The following SGCZ variants were observed in gnomAD, a reference collection of about 807,000 sequenced individuals.
SGCZ encodes sarcoglycan zeta, also known as zeta-sarcoglycan.
Under a neutral mutation model 41.3 loss-of-function variants are expected in SGCZ, and 40 were observed. The observed-to-expected ratio is 0.97, with a 90% CI of 0.75 to 1.26. The LOEUF (loss-of-function observed/expected upper bound fraction) is 1.26. SGCZ is among the 50% of genes most tolerant of loss of function. The probability of loss-of-function intolerance (pLI) is 0.00; values close to 1 mark genes in which losing one functional copy is unlikely to be tolerated. For missense variants in SGCZ, 552 were observed against 369.8 expected (o/e 1.49, Z -4.04); for synonymous variants, 206 against 137.5 (o/e 1.50, Z -3.49).
chr8:15,058,940 T>G (rs998562935), intron 1 of SGCZ, among the ~76,000 whole-genome samples: 7 of 152,198 alleles, frequency 4.6e-5, no homozygotes, highest in African/African-American at 1.7e-4. Context: ...CAGGTGTTTT[T>G]AAAAGAAATT....
At chr8:14,454,041 C>G (rs868246163) in intron 2 of SGCZ, among the ~76,000 whole-genome samples, 2 of 152,040 alleles carry the variant, frequency 1.3e-5, no homozygotes, top group Admixed American at 1.3e-4. Context: ...GACACTACCC[C>G]AAAAGGATAT....
At chr8:14,917,453 A>C (rs1206192071) in intron 1 of SGCZ, among the ~76,000 whole-genome samples, 3 of 152,086 alleles carry the variant, frequency 2.0e-5, no homozygotes, top group Non-Finnish European at 4.4e-5. Context: ...TTAATCAATA[A>C]AATTACTGGG....
At chr8:14,819,020 G>C (rs931743444) in intron 1 of SGCZ, among the ~76,000 whole-genome samples, 4 of 151,962 alleles carry the variant, frequency 2.6e-5, no homozygotes, top group African/African-American at 9.7e-5. Context: ...CTATGTATTG[G>C]GATATGGATA....
chr8:14,912,859 G>A (rs919151509), intron 1 of SGCZ, among the ~76,000 whole-genome samples: 2 of 152,054 alleles, frequency 1.3e-5, no homozygotes, highest in African/African-American at 4.8e-5. Flanking sequence ...TACCAAGCAT[G>A]TCTTCTTGCA....
intron 3 of SGCZ, among the ~76,000 whole-genome samples, chr8:14,281,698 C>T (rs1214656242): frequency 1.3e-5 from 2 of 151,980 alleles, no homozygotes; most frequent in Non-Finnish European, 2.9e-5. Flanking sequence ...GAATTTAAAA[C>T]ATTTAATCTG....
chr8:14,288,433 C>T (rs184436524), intron 3 of SGCZ, among the ~76,000 whole-genome samples: 25 of 152,150 alleles, frequency 1.6e-4, no homozygotes, highest in African/African-American at 5.8e-4. Context: ...CCATCACTCC[C>T]CATGTCTCCC....
At chr8:15,094,185 C>T (rs954495770) in intron 1 of SGCZ, among the ~76,000 whole-genome samples, 3 of 151,636 alleles carry the variant, frequency 2.0e-5, no homozygotes, top group African/African-American at 4.9e-5. Context: ...CCCAGGATGG[C>T]GTGGAGTGGT....
At chr8:15,172,773 A>C (rs1799883693) in intron 1 of SGCZ, among the ~76,000 whole-genome samples, 1 of 152,200 alleles carries the variant, frequency 6.6e-6, no homozygotes, top group South Asian at 2.1e-4. Context: ...ACTGCTTCAG[A>C]CATTTGGCAA....
intron 2 of SGCZ, among the ~76,000 whole-genome samples, chr8:14,397,914 C>T (rs11992296): frequency 0.17 from 25,788 of 152,138 alleles, 5,175 homozygotes; most frequent in African/African-American, 0.48. Flanking sequence ...CTGCATTTCA[C>T]TCCCCTGAGC....
chr8:14,372,495 C>A (rs550338146), intron 2 of SGCZ, among the ~76,000 whole-genome samples: 1 of 151,916 alleles, frequency 6.6e-6, no homozygotes, highest in South Asian at 2.1e-4. Context: ...AAAGAAATCT[C>A]AAGTAAATTA....
At chr8:14,652,346 A>AAGTGG (rs201135943) in intron 1 of SGCZ, among the ~76,000 whole-genome samples, 6 of 50,724 alleles carry the variant, frequency 1.2e-4, no homozygotes, top group Non-Finnish European at 1.4e-4. Context: ...AAAAAAAAAA[A>AAGTGG]GGGGGGGGTG....
At chr8:14,274,000 C>A (rs6651379) in intron 3 of SGCZ, among the ~76,000 whole-genome samples, 100,789 of 151,908 alleles carry the variant, frequency 0.66, 33,773 homozygotes, top group Admixed American at 0.71. Flanking sequence ...TTCCCTCCTG[C>A]TGGTATTTGT....
chr8:14,102,500 C>G lies in SGCZ; in HGVS notation c.621-1G>C, dbSNP rs1288989886. 1 of 1,389,682 alleles carries G rather than the reference C, an allele frequency of 7.2e-7. No homozygotes were observed. Among genetic ancestry groups the G allele is most frequent in the Non-Finnish European group, 9.4e-7 (1 of 1,058,518 alleles). The allele number at this position is 1,389,682 out of a possible 1,614,324, so 86.1% of individuals were successfully genotyped here. On this transcript the variant is annotated splice_acceptor_variant, in intron 6 of 7. Coordinates refer to ENST00000382080, the MANE Select transcript of SGCZ (RefSeq NM_139167.4). LOFTEE classifies it high-confidence loss of function. ...CAAGGATCTGGTGGGTGATTCAAGC[C>G]TAAGGGAAAAACAAAAAATCATTAA...
At chr8:14,965,584 A>G (rs1467400456) in intron 1 of SGCZ, among the ~76,000 whole-genome samples, 1 of 152,172 alleles carries the variant, frequency 6.6e-6, no homozygotes, top group East Asian at 1.9e-4. Context: ...ACAAGAAACC[A>G]AAGGCTGTGA....
At chr8:14,371,828 T>C (rs533125573) in intron 2 of SGCZ, among the ~76,000 whole-genome samples, 1 of 152,218 alleles carries the variant, frequency 6.6e-6, no homozygotes, top group African/African-American at 2.4e-5. Context: ...CATGTATAAA[T>C]AAGATGTACA....
chr8:14,442,487 A>T (rs1398934455), intron 2 of SGCZ, among the ~76,000 whole-genome samples: 2 of 152,174 alleles, frequency 1.3e-5, no homozygotes, highest in Non-Finnish European at 2.9e-5. Flanking sequence ...TAGCAGCATG[A>T]AAACAAACTA....
intron 1 of SGCZ, among the ~76,000 whole-genome samples, chr8:15,096,396 G>C (rs965073097): frequency 7.2e-5 from 11 of 152,038 alleles, no homozygotes; most frequent in African/African-American, 2.7e-4. Flanking sequence ...CCAAGAAATA[G>C]TTTATTGAAA....
At position 14,686,658 on chromosome 8, in the gene SGCZ, T is replaced by C. The variant is rs113813248; in HGVS notation, c.40-131732A>G. Among the ~76,000 whole-genome samples, 1,162 of 152,110 alleles carry C rather than the reference T, an allele frequency of 7.6e-3. 13 individuals are homozygous for C. Among genetic ancestry groups the C allele is most frequent in the Middle Eastern group, 0.031 (9 of 294 alleles). ...ACTGGGGTGCAATAGAGATTTCAGG[T>C]TTAGACATGTTGCAGGGGCTGAAAT... On this transcript the variant is annotated intron_variant, in intron 1 of 7. Transcript: ENST00000382080.
intron 1 of SGCZ, among the ~76,000 whole-genome samples, chr8:15,047,111 C>T (rs1469115973): frequency 6.6e-6 from 1 of 152,016 alleles, no homozygotes; most frequent in Non-Finnish European, 1.5e-5. Flanking sequence ...GTCCCTCCTG[C>T]ATCCTTACCT....
Sources: gnomAD v4.1 joint callset for allele counts (sites outside exome capture counted in the v4.1 genomes callset) on GRCh38, gnomAD v4.1.1 for gene constraint, MANE v1.5 for transcripts, NCBI Gene and HGNC (gene_info 2026-07-23, HGNC 2026-07-21) for gene names.